ANKFY1: variants seen among roughly 807,000 people sequenced by gnomAD.
ANKFY1 encodes ankyrin repeat and FYVE domain-containing protein 1.
ANKFY1 carries 47 observed loss-of-function variants against 128.3 expected under a neutral mutation model. The ratio of observed to expected loss-of-function variants is 0.37; its 90% CI spans 0.29 to 0.47. The LOEUF is 0.47. ANKFY1 is among the 20% of genes least tolerant of loss of function. ANKFY1 has a pLI of 1.00. For missense variants in ANKFY1, 1,222 were observed against 1,510.6 expected (o/e 0.81, Z 3.17); for synonymous variants, 553 against 601.6 (o/e 0.92, Z 1.18).
At chr17:4,207,873 G>A (rs866040856) in intron 6 of ANKFY1, 60 bp downstream of exon 6, 1 of 1,488,230 alleles carries the variant, frequency 6.7e-7, no homozygotes, top group Non-Finnish European at 9.0e-7. Context: ...AAGTACCACG[G>A]AGAAAGACAA....
chr17:4,211,853 G>A (rs1013600006), intron 4 of ANKFY1, among the ~76,000 whole-genome samples: 1 of 151,668 alleles, frequency 6.6e-6, no homozygotes, highest in South Asian at 2.1e-4. Flanking sequence ...ACCACTGTAC[G>A]CCTGCCTAGA....
intron 1 of ANKFY1, among the ~76,000 whole-genome samples, chr17:4,263,209 G>A (rs768295518): frequency 6.6e-6 from 1 of 152,214 alleles, no homozygotes; most frequent in Non-Finnish European, 1.5e-5. Flanking sequence ...GACTCTGAGA[G>A]ACCAGAGTGC....
In ANKFY1 at chr17:4,228,642, C is replaced by G. The variant is rs2060465431; in HGVS notation, c.322+7130G>C. Among the ~76,000 whole-genome samples, 3 of 152,210 alleles carry G rather than the reference C, an allele frequency of 2.0e-5. No individual in the cohort carries two copies. The South Asian group carries it at 6.2e-4, about 32-fold the overall frequency. On this transcript the variant is annotated intron_variant, in intron 3 of 24. Coordinates refer to ENST00000341657, the MANE Select transcript of ANKFY1 (RefSeq NM_001330063.2). ...ATGTTAGCTAGGCTGGTCTCAAACTCCTGACCTCAAGTGATCCACCCAACT... is the reference window on the plus strand; with the variant it reads ...ATGTTAGCTAGGCTGGTCTCAAACTGCTGACCTCAAGTGATCCACCCAACT...
At chr17:4,210,708 CAAAAAAAAAAAA>C (rs371731375) in intron 4 of ANKFY1, among the ~76,000 whole-genome samples, 2 of 42,454 alleles carry the variant, frequency 4.7e-5, no homozygotes, top group African/African-American at 1.2e-4. Context: ...AACTCTGTCG[CAAAAAAAAAAAA>C]AAAAAAAAAA....
At chr17:4,171,076 T>C (rs1010708768) in intron 22 of ANKFY1, among the ~76,000 whole-genome samples, 44 of 152,316 alleles carry the variant, frequency 2.9e-4, no homozygotes, top group African/African-American at 1.1e-3. Context: ...AGCCAAAGAA[T>C]TCTAGAGCAG....
At position 4,170,870 on chromosome 17, in the gene ANKFY1, C is replaced by A. The variant is rs202011309; in HGVS notation, c.3140-9G>T. On this transcript the variant is annotated splice_polypyrimidine_tract_variant and intron_variant, in intron 22 of 24. Transcript: ENST00000341657. ...GTATGCCAGGAGCAGCACTGGAAAACAAAAGCACGCGCAGGGCTACTTCCC... is the reference window on the plus strand; with the variant it reads ...GTATGCCAGGAGCAGCACTGGAAAAAAAAAGCACGCGCAGGGCTACTTCCC... 155 of 1,614,194 alleles carry A rather than the reference C, an allele frequency of 9.6e-5. No individual in the cohort carries two copies. Among genetic ancestry groups the A allele is most frequent in the Middle Eastern group, 4.9e-4 (3 of 6,062 alleles).
rs558149079 is a variant in ANKFY1 at position 4,181,797 on chromosome 17, A to C, written c.2121+384T>G. 6.3e-4 allele frequency among the ~76,000 whole-genome samples: 96 copies of C among 152,272 alleles called. No individual in the cohort carries two copies. The highest frequency in any genetic ancestry group is 1.0e-3 in the Admixed American group (16 of 15,304). On this transcript the variant is annotated intron_variant, in intron 15 of 24. Transcript: ENST00000341657. The surrounding 1 kb of genome is among the most constrained non-coding windows in gnomAD (Gnocchi z 4.9). ...ACACTGCAGGCCCTTCGGAGAGCTG[A>C]ATGAGAATGTGCAGGTTTGCCTCCA... is the stretch of plus-strand genomic sequence containing the variant.
intron 8 of ANKFY1, among the ~76,000 whole-genome samples, chr17:4,196,726 A>G (rs1275277422): frequency 6.6e-6 from 1 of 152,252 alleles, no homozygotes; most frequent in Non-Finnish European, 1.5e-5. Context: ...TTAGACCTCA[A>G]TAGTTCTTCA....
intron 2 of ANKFY1, among the ~76,000 whole-genome samples, chr17:4,239,592 G>A (rs544176549): frequency 7.2e-5 from 11 of 152,046 alleles, no homozygotes; most frequent in Non-Finnish European, 1.6e-4. Flanking sequence ...AGGCTGGAGT[G>A]CAGTGGCACA....
At chr17:4,240,313 G>A (rs1598132199) in intron 2 of ANKFY1, among the ~76,000 whole-genome samples, 4 of 151,854 alleles carry the variant, frequency 2.6e-5, no homozygotes, top group South Asian at 2.1e-4. Context: ...TGACCCGCCC[G>A]CCTTGGCCTC....
At chr17:4,182,072 A>C (rs1182874386) in intron 15 of ANKFY1, 109 bp downstream of exon 15, 5 of 1,128,126 alleles carry the variant, frequency 4.4e-6, no homozygotes. Flanking sequence ...TTGTCCCACT[A>C]TGTTACTTGA....
At chr17:4,204,426 C>G (rs1410545377) in intron 7 of ANKFY1, among the ~76,000 whole-genome samples, 2 of 152,218 alleles carry the variant, frequency 1.3e-5, no homozygotes, top group Non-Finnish European at 2.9e-5. Context: ...TGAATACCAG[C>G]TTCATAAAGC....
In ANKFY1 at chr17:4,170,696, C is replaced by T. The variant is rs771208566; in HGVS notation, c.3286+19G>A. The T allele has an allele frequency of 2.8e-5, 44 of 1,595,602 alleles. No homozygotes were observed. The Admixed American group carries it at 6.0e-4, about 22-fold the overall frequency. ...TACGACTGTGCTTGCACTGTGAGAG[C>T]AGAGAGCGGGCCACTCACCCAGCAG... On this transcript the variant is annotated intron_variant, in intron 23 of 24. Transcript: ENST00000341657.
intron 2 of ANKFY1, among the ~76,000 whole-genome samples, chr17:4,241,981 C>T (rs1186616554): frequency 2.0e-5 from 3 of 150,814 alleles, no homozygotes; most frequent in Non-Finnish European, 4.4e-5. Flanking sequence ...CCCAGCCACT[C>T]GGGAGGCTGA....
chr17:4,245,464 T>C (rs954179412), intron 1 of ANKFY1, among the ~76,000 whole-genome samples: 3 of 150,956 alleles, frequency 2.0e-5, no homozygotes, highest in Non-Finnish European at 4.4e-5. Flanking sequence ...ACAGCCTCCC[T>C]AGTACCTGGG....
chr17:4,168,985 G>C (rs75848161), intron 24 of ANKFY1: 40,442 of 529,212 alleles, frequency 0.076, 1,981 homozygotes, highest in South Asian at 0.14. Flanking sequence ...GCCTCCAGCA[G>C]GAAAGCCACC....
rs368933547 is a variant in ANKFY1, at chr17:4,185,067, G to A, written c.1471-21C>T. 6.2e-5 allele frequency: 99 copies of A among 1,598,792 alleles called. No homozygotes were observed. The African/African-American group carries it at 1.1e-3, about 18-fold the overall frequency. ...TCTCCCTGAATGGAAACAAATGGCC[G>A]AAATCTGAGCACTCACAGGAATTCC... On this transcript the variant is annotated intron_variant, in intron 11 of 24. Coordinates refer to ENST00000341657, the MANE Select transcript of ANKFY1 (RefSeq NM_001330063.2).
At chr17:4,235,927 G>A (rs1297832721) in intron 2 of ANKFY1, 37 bp from the exon 3 acceptor site, 1 of 1,476,836 alleles carries the variant, frequency 6.8e-7, no homozygotes, top group Non-Finnish European at 9.5e-7. Flanking sequence ...TTAGAAAAAT[G>A]TCATCATAAC....
intron 3 of ANKFY1, among the ~76,000 whole-genome samples, chr17:4,224,969 T>C (rs1179842660): frequency 6.6e-6 from 1 of 150,380 alleles, no homozygotes; most frequent in Non-Finnish European, 1.5e-5. Context: ...AATAAACTGG[T>C]AAATTTTGTG....
Sources: allele counts gnomAD v4.1 joint callset (sites outside exome capture counted in the v4.1 genomes callset), GRCh38; gene constraint gnomAD v4.1.1; non-coding constraint Gnocchi (gnomAD v3.1); transcripts MANE v1.5; gene names NCBI Gene and HGNC (gene_info 2026-07-23, HGNC 2026-07-21).